Variants in NIPAL2 observed in about 807,000 individuals in gnomAD.
NIPAL2 encodes NIPA like domain containing 2.
Under a neutral mutation model 48.9 loss-of-function variants are expected in NIPAL2, and 43 were observed. That is an observed-to-expected ratio of 0.88 (90% CI 0.69 to 1.13). The LOEUF is 1.13. NIPAL2 is among the 50% of genes most tolerant of loss of function. The pLI is 0.00. For synonymous variants in NIPAL2, 167 were observed against 174.6 expected (o/e 0.96, Z 0.34); for missense variants, 446 against 461.4 (o/e 0.97, Z 0.31).
At chr8:98,199,262 C>G (rs995350518) in intron 8 of NIPAL2, among the ~76,000 whole-genome samples, 1 of 152,046 alleles carries the variant, frequency 6.6e-6, no homozygotes, top group African/African-American at 2.4e-5. Context: ...GGCCCAAAAA[C>G]TTTTTTCTTT....
chr8:98,205,208 T>A lies in NIPAL2; in HGVS notation c.694A>T (p.Met232Leu). 2 of 1,613,656 alleles carry A rather than the reference T, an allele frequency of 1.2e-6. No homozygotes were observed. Among genetic ancestry groups the A allele is most frequent in the Non-Finnish European group, 1.7e-6 (2 of 1,179,834 alleles). ...TTATCCATCACAGAAAAAGTGATCA[T>A]GCCTGAGACGGCCTTTACTGAAATA... ...TVISVKAVSG[M>L]ITFSVMDKMQ... is the part of the protein sequence containing the mutation. Residue 232 changes from methionine to leucine, a missense_variant, in exon 7 of 11, where the codon ATG becomes TTG. By Grantham distance (15) the Met-to-Leu change is conservative. Transcript: ENST00000430223.
chr8:98,276,508 A>G (rs1221848173), intron 1 of NIPAL2, among the ~76,000 whole-genome samples: 2 of 152,178 alleles, frequency 1.3e-5, no homozygotes, highest in African/African-American at 2.4e-5. Flanking sequence ...GTAATTATGA[A>G]TAAAGCTGCT....
At chr8:98,293,891 CG>C in intron 1 of NIPAL2, 111 bp downstream of exon 1, 1 of 1,018,354 alleles carries the variant, frequency 9.8e-7, no homozygotes, top group East Asian at 3.3e-5. Context: ...TCGGAGAGGC[CG>C]GGTGTCTTCC....
rs1810261300 is a variant in NIPAL2, at chr8:98,190,469, C to T, written c.*2509G>A. 6.6e-6 allele frequency: 1 copy of T among 152,472 alleles called. No homozygotes were observed. Among genetic ancestry groups the T allele is most frequent in the African/African-American group, 2.4e-5 (1 of 41,402 alleles). The allele number at this position is 152,472 out of a possible 1,614,324, so 9.4% of individuals were successfully genotyped here. ...TCCCAGGTAGCTGGGACTCCAGGCACCCACCGTCATGCCTGGCTAATTTTT... is the reference window on the plus strand; with the variant it reads ...TCCCAGGTAGCTGGGACTCCAGGCATCCACCGTCATGCCTGGCTAATTTTT... On this transcript the variant is annotated 3_prime_UTR_variant, in exon 11 of 11. Coordinates refer to ENST00000430223, the MANE Select transcript of NIPAL2 (RefSeq NM_001321635.2).
At chr8:98,214,222 G>A (rs1334472926) in intron 5 of NIPAL2, among the ~76,000 whole-genome samples, 2 of 149,308 alleles carry the variant, frequency 1.3e-5, no homozygotes, top group African/African-American at 4.9e-5. Context: ...GGAGTGTAAT[G>A]GCACAACCTC....
intron 4 of NIPAL2, among the ~76,000 whole-genome samples, chr8:98,230,232 G>C (rs1812374020): frequency 6.6e-6 from 1 of 152,152 alleles, no homozygotes; most frequent in African/African-American, 2.4e-5. Flanking sequence ...CACAACCTGA[G>C]GCCATATGCA....
chr8:98,242,787 TG>T (rs911566023), intron 3 of NIPAL2, among the ~76,000 whole-genome samples: 8 of 152,116 alleles, frequency 5.3e-5, no homozygotes, highest in African/African-American at 1.7e-4. Flanking sequence ...CCCGGTCTTT[TG>T]CCTAAATATT....
At chr8:98,225,705 T>C (rs953213829) in intron 4 of NIPAL2, among the ~76,000 whole-genome samples, 1 of 152,178 alleles carries the variant, frequency 6.6e-6, no homozygotes. Flanking sequence ...CTCGGTGTTC[T>C]GTACATGAAC....
intron 1 of NIPAL2, among the ~76,000 whole-genome samples, chr8:98,271,526 T>C (rs1045806072): frequency 7.2e-5 from 11 of 152,148 alleles, no homozygotes; most frequent in Non-Finnish European, 1.5e-4. Flanking sequence ...AGAAATGCTA[T>C]GATTTTTTGT....
At chr8:98,231,021 C>A (rs775784345) in intron 4 of NIPAL2, among the ~76,000 whole-genome samples, 2 of 152,178 alleles carry the variant, frequency 1.3e-5, no homozygotes, top group Non-Finnish European at 2.9e-5. Flanking sequence ...GGAAAGATTG[C>A]AGTCTAATCC....
chr8:98,216,400 A>G (rs1057112668), intron 5 of NIPAL2, among the ~76,000 whole-genome samples: 1 of 152,250 alleles, frequency 6.6e-6, no homozygotes, highest in Non-Finnish European at 1.5e-5. Flanking sequence ...TGAGCTAGAC[A>G]TAGGGCTCAG....
chr8:98,250,172 A>G (rs1359664244), intron 3 of NIPAL2, among the ~76,000 whole-genome samples: 1 of 152,200 alleles, frequency 6.6e-6, no homozygotes, highest in African/African-American at 2.4e-5. Context: ...AGAAAAGAAT[A>G]TGCAATTTCC....
At chr8:98,244,465 G>A (rs556609257) in intron 3 of NIPAL2, among the ~76,000 whole-genome samples, 15 of 134,678 alleles carry the variant, frequency 1.1e-4, no homozygotes, top group African/African-American at 3.7e-4. Context: ...CGTGGTGATG[G>A]GGGTAGGCTG....
rs1815645165 is a variant in NIPAL2 at position 98,279,065 on chromosome 8, T to C, written c.135+14938A>G. 2.0e-5 allele frequency among the ~76,000 whole-genome samples: 3 copies of C among 152,080 alleles called. 1 individual carries two copies. The highest frequency in any genetic ancestry group is 4.4e-5 in the Non-Finnish European group (3 of 67,952). Reference sequence around the variant, plus strand: ...CTCTGTATAAACTGATACATCTTATTCTATATTTTTTCTGAAATTTTGTCT... The same window carrying C: ...CTCTGTATAAACTGATACATCTTATCCTATATTTTTTCTGAAATTTTGTCT... On this transcript the variant is annotated intron_variant, in intron 1 of 10. Coordinates refer to ENST00000430223, the MANE Select transcript of NIPAL2 (RefSeq NM_001321635.2).
At chr8:98,216,651 G>A (rs192562437) in intron 5 of NIPAL2, among the ~76,000 whole-genome samples, 1 of 151,374 alleles carries the variant, frequency 6.6e-6, no homozygotes, top group African/African-American at 2.4e-5. Context: ...CCCAGCATCT[G>A]CTGATTTAAT....
chr8:98,192,625 C>T lies in NIPAL2; in HGVS notation c.*353G>A, dbSNP rs567418301. 1.5e-5 allele frequency: 3 copies of T among 200,560 alleles called. No individual in the cohort carries two copies. The Admixed American group carries it at 1.6e-4, about 11-fold the overall frequency. 12.4% of individuals were successfully genotyped at this position (200,560 alleles called of 1,614,324 possible). ...TGACTTTTTAAAGTGAAGCAACTGACACTACCCGTGGGAGAAGCCACCTAT... is the reference window on the plus strand; with the variant it reads ...TGACTTTTTAAAGTGAAGCAACTGATACTACCCGTGGGAGAAGCCACCTAT... On this transcript the variant is annotated 3_prime_UTR_variant, in exon 11 of 11. Coordinates refer to ENST00000430223, the MANE Select transcript of NIPAL2 (RefSeq NM_001321635.2).
intron 5 of NIPAL2, among the ~76,000 whole-genome samples, chr8:98,213,152 C>T (rs573005338): frequency 8.5e-5 from 13 of 152,290 alleles, no homozygotes; most frequent in South Asian, 4.1e-4. Flanking sequence ...AGAAACAGAA[C>T]GTACCGACAC....
intron 5 of NIPAL2, among the ~76,000 whole-genome samples, chr8:98,218,789 G>T (rs80320636): frequency 1.2e-3 from 187 of 152,304 alleles, no homozygotes; most frequent in African/African-American, 4.3e-3. Context: ...AGGAGATGGG[G>T]TTGTGGGTCA....
intron 3 of NIPAL2, 69 bp downstream of exon 3, chr8:98,252,394 C>T: frequency 7.2e-7 from 1 of 1,394,922 alleles, no homozygotes; most frequent in Non-Finnish European, 9.6e-7. Context: ...TTTGTTGTTT[C>T]AGTTGTGTGT....
Sources: gnomAD v4.1 joint callset for allele counts (sites outside exome capture counted in the v4.1 genomes callset) on GRCh38, gnomAD v4.1.1 for gene constraint, MANE v1.5 for transcripts, NCBI Gene and HGNC (gene_info 2026-07-23, HGNC 2026-07-21) for gene names.